Variants in SFXN1 observed in about 807,000 individuals in gnomAD.
SFXN1 encodes the protein sideroflexin 1, also known as sideroflexin-1.
SFXN1 carries 32 observed loss-of-function variants against 39.5 expected under a neutral mutation model. That is an observed-to-expected ratio of 0.81 (90% CI 0.61 to 1.09). The LOEUF (loss-of-function observed/expected upper bound fraction) is 1.09. SFXN1 is among the 50% of genes least tolerant of loss of function. The probability of loss-of-function intolerance (pLI) is 0.00; values close to 1 mark genes in which losing one functional copy is unlikely to be tolerated. For synonymous variants in SFXN1, 136 were observed against 146.5 expected (o/e 0.93, Z 0.52); for missense variants, 402 against 407.1 (o/e 0.99, Z 0.11).
At chr5:175,511,903 A>G (rs772655887) in intron 5 of SFXN1, among the ~76,000 whole-genome samples, 54 of 152,098 alleles carry the variant, frequency 3.6e-4, no homozygotes, top group Admixed American at 5.2e-4. Context: ...ACACTTAGCT[A>G]CAAGGCCTTA....
intron 2 of SFXN1, among the ~76,000 whole-genome samples, chr5:175,503,380 A>G (rs898163043): frequency 6.6e-6 from 1 of 152,236 alleles, no homozygotes; most frequent in African/African-American, 2.4e-5. Context: ...TAATGCAAAA[A>G]TCCAAAGTAA....
intron 4 of SFXN1, 70 bp downstream of exon 4, chr5:175,510,277 C>A: frequency 1.6e-6 from 2 of 1,285,324 alleles, no homozygotes; most frequent in Non-Finnish European, 1.1e-6. Context: ...TGATACTCTC[C>A]TGTTTAAAAA....
At chr5:175,497,135 C>T (rs1759886067) in intron 2 of SFXN1, among the ~76,000 whole-genome samples, 1 of 152,128 alleles carries the variant, frequency 6.6e-6, no homozygotes, top group African/African-American at 2.4e-5. Flanking sequence ...GTGATCTGCC[C>T]ACCTCAGCCT....
At position 175,492,180 on chromosome 5, in the gene SFXN1, A is replaced by G. The variant is rs17065105; in HGVS notation, c.77A>G (p.Asn26Ser). The G allele has an allele frequency of 1.0e-3, 1,660 of 1,614,124 alleles. 11 individuals are homozygous for G. In the African/African-American group the frequency reaches 0.019, roughly 18 times the overall value. ...CAAAGCACTTTCATTGGACGAGCCA[A>G]TCATTTCTTCACTGTAACTGACCCC... ...WDQSTFIGRA[N>S]HFFTVTDPRN... Residue 26 changes from asparagine to serine, a missense_variant, in exon 2 of 11, where the codon AAT (asparagine) becomes AGT (serine). Physicochemically the swap from Asn to Ser is conservative, Grantham distance 46. Coordinates refer to ENST00000321442, the MANE Select transcript of SFXN1 (RefSeq NM_022754.7).
chr5:175,507,977 A>AT lies in SFXN1; in HGVS notation c.165-1055_165-1054insT, dbSNP rs57408993. ...GACAGAGTGAGACCCTGTCTTTAAA[A>AT]AAAAAAAAAAAAAAATTCTTCCTGA... is the stretch of plus-strand genomic sequence containing the variant. On this transcript the variant is annotated intron_variant, in intron 2 of 10. Transcript: ENST00000321442. Among the ~76,000 whole-genome samples, 263 of 148,454 alleles carry AT rather than the reference A, an allele frequency of 1.8e-3. 3 individuals are homozygous for AT. The highest frequency in any genetic ancestry group is 3.7e-3 in the South Asian group (17 of 4,628).
At chr5:175,478,817 G>C (rs539367130) in intron 1 of SFXN1, 178 bp downstream of exon 1, 1 of 151,438 alleles carries the variant, frequency 6.6e-6, no homozygotes. Context: ...CCGGGGGGGG[G>C]GTCCCTGCAC....
At chr5:175,500,402 CAA>C (rs1491559959) in intron 2 of SFXN1, among the ~76,000 whole-genome samples, 26 of 75,774 alleles carry the variant, frequency 3.4e-4, no homozygotes, top group African/African-American at 1.3e-3. Flanking sequence ...GCCTGTACAC[CAA>C]CACACACACA....
chr5:175,491,501 G>A (rs1232238141), intron 1 of SFXN1: 1 of 150,176 alleles, frequency 6.7e-6, no homozygotes, highest in East Asian at 1.9e-4. Flanking sequence ...TAGAGGCATG[G>A]TCTTGCTTTG....
At chr5:175,493,589 G>A (rs137915504) in intron 2 of SFXN1, among the ~76,000 whole-genome samples, 1 of 152,162 alleles carries the variant, frequency 6.6e-6, no homozygotes, top group Non-Finnish European at 1.5e-5. Context: ...GTGAAGACAG[G>A]CAAAAGCCGT....
Position 175,509,119 on chromosome 5 carries a change from T to A in SFXN1, c.252T>A (p.Gly84=). 6.2e-7 allele frequency: 1 copy of A among 1,613,924 alleles called. No homozygotes were observed. Among genetic ancestry groups the A allele is most frequent in the African/African-American group, 1.3e-5 (1 of 75,018 alleles). The change falls in exon 3 of 11, where the codon GGT becomes GGA. Residue 84 remains glycine, a synonymous_variant. Coordinates refer to ENST00000321442, the MANE Select transcript of SFXN1 (RefSeq NM_022754.7). ...ATTCAGCTTTTCATCCTGACACTGGTGAGAAGATGATTTTGATAGGAAGAA... is the reference window on the plus strand; with the variant it reads ...ATTCAGCTTTTCATCCTGACACTGGAGAGAAGATGATTTTGATAGGAAGAA... The part of the protein sequence containing the change: ...IYDSAFHPDT[G]EKMILIGRMS...
In SFXN1 at chr5:175,526,955, A is replaced by G; in HGVS notation, c.*221A>G. 1 of 541,610 alleles carries G rather than the reference A, an allele frequency of 1.8e-6. No homozygotes were observed. Among genetic ancestry groups the G allele is most frequent in the Non-Finnish European group, 3.3e-6 (1 of 307,380 alleles). 33.6% of individuals were successfully genotyped at this position (541,610 alleles called of 1,614,324 possible). A position where few individuals can be genotyped will look rare whatever the true frequency, so the allele number is the denominator to read the frequency against. ...GAATCATGTTATGATTTATAGAAAT[A>G]CCTTTCCTGTAGCTTTTATAGTCAT... On this transcript the variant is annotated 3_prime_UTR_variant, in exon 11 of 11. Transcript: ENST00000321442.
chr5:175,494,545 C>T (rs996398100), intron 2 of SFXN1, among the ~76,000 whole-genome samples: 5 of 151,866 alleles, frequency 3.3e-5, no homozygotes, highest in Admixed American at 6.6e-5. Flanking sequence ...GTCAGGAGCT[C>T]GAGACCAGCC....
chr5:175,488,850 C>T (rs979108726), intron 1 of SFXN1, among the ~76,000 whole-genome samples: 29 of 152,180 alleles, frequency 1.9e-4, no homozygotes, highest in Admixed American at 2.6e-4. Context: ...CATGATCCTT[C>T]TTATCCTGTT....
intron 1 of SFXN1, among the ~76,000 whole-genome samples, chr5:175,486,104 A>G (rs148684325): frequency 0.012 from 1,888 of 152,182 alleles, 39 homozygotes; most frequent in African/African-American, 0.043. Flanking sequence ...ATTCTTGATC[A>G]CTTGTACTTA....
chr5:175,505,205 CA>C, intron 2 of SFXN1, among the ~76,000 whole-genome samples: 1 of 152,024 alleles, frequency 6.6e-6, no homozygotes. Context: ...AATACGATTT[CA>C]GTCAAATTAC....
At chr5:175,516,554 A>C in intron 7 of SFXN1, 60 bp from the exon 8 acceptor site, 1 of 1,503,088 alleles carries the variant, frequency 6.7e-7, no homozygotes, top group Non-Finnish European at 9.1e-7. Flanking sequence ...GGTTGAAAAA[A>C]AAAGTAAGCT....
chr5:175,518,440 C>T (rs1323695564), intron 8 of SFXN1, among the ~76,000 whole-genome samples: 1 of 152,122 alleles, frequency 6.6e-6, no homozygotes, highest in Non-Finnish European at 1.5e-5. Context: ...ATGGTAGACA[C>T]TAGAGTCCCA....
chr5:175,497,764 G>A (rs267364), intron 2 of SFXN1, among the ~76,000 whole-genome samples: 70,366 of 151,540 alleles, frequency 0.46, 18,285 homozygotes, highest in African/African-American at 0.72. Context: ...TCCTGTCTGT[G>A]CAAAAAACAC....
At chr5:175,520,482 A>G (rs1281585157) in intron 8 of SFXN1, among the ~76,000 whole-genome samples, 2 of 152,268 alleles carry the variant, frequency 1.3e-5, no homozygotes, top group East Asian at 3.9e-4. Flanking sequence ...ACATGGCATC[A>G]GGTTGGGTTT....
Sources: gnomAD v4.1 joint callset for allele counts (sites outside exome capture counted in the v4.1 genomes callset) on GRCh38, gnomAD v4.1.1 for gene constraint, MANE v1.5 for transcripts, NCBI Gene and HGNC (gene_info 2026-07-23, HGNC 2026-07-21) for gene names.